Variants in MYLK4 observed in about 807,000 individuals in gnomAD.
MYLK4 encodes caMLCK like.
MYLK4 carries 46 observed loss-of-function variants against 48.1 expected under a neutral mutation model. The observed-to-expected ratio is 0.96, with a 90% confidence interval of 0.75 to 1.22. The LOEUF (loss-of-function observed/expected upper bound fraction) is 1.22. MYLK4 is among the 50% of genes most tolerant of loss of function. MYLK4 has a pLI of 0.00. For synonymous variants in MYLK4, 170 were observed against 180.8 expected (o/e 0.94, Z 0.48); for missense variants, 451 against 486.1 (o/e 0.93, Z 0.68).
chr6:2,744,083 C>T (rs934209648), intron 2 of MYLK4: 8 of 398,758 alleles, frequency 2.0e-5, no homozygotes, highest in Admixed American at 4.4e-5. Context: ...TGTTCCTTCC[C>T]TGCCCTGATC....
chr6:2,717,091 T>G (rs1198401694), intron 2 of MYLK4, among the ~76,000 whole-genome samples: 1 of 152,162 alleles, frequency 6.6e-6, no homozygotes, highest in Non-Finnish European at 1.5e-5. Flanking sequence ...AGAAACAGGT[T>G]GGTATGACTG....
chr6:2,726,548 C>G (rs1763280681), intron 2 of MYLK4, among the ~76,000 whole-genome samples: 1 of 151,702 alleles, frequency 6.6e-6, no homozygotes, highest in South Asian at 2.1e-4. Context: ...AAGTGAGAAG[C>G]CAGGGAACTC....
chr6:2,680,102 T>C, intron 8 of MYLK4, 119 bp downstream of exon 8: 1 of 1,203,504 alleles, frequency 8.3e-7, no homozygotes, highest in Non-Finnish European at 1.1e-6. Flanking sequence ...TAATTTTTGT[T>C]AAATTAATTA....
At position 2,688,944 on chromosome 6, in the gene MYLK4, G is replaced by T. The variant is rs1761670474; in HGVS notation, c.248C>A (p.Ala83Asp). 1 of 1,614,060 alleles carries T rather than the reference G, an allele frequency of 6.2e-7. No individual in the cohort carries two copies. Among genetic ancestry groups the T allele is most frequent in the South Asian group, 1.1e-5 (1 of 91,090 alleles). The part of the protein sequence containing the change: ...RTSALAVDIP[A>D]PPAPFDHRIV... ...ACGATGATCAAATGGGGCCGGAGGA[G>T]CCGGGATGTCAACTAGAAGGTGAGA... The change falls in exon 4 of 13, where the codon GCT (alanine) becomes GAT (aspartate). Residue 83 changes from alanine (A) to aspartate (D), a missense_variant. Ala to Asp is a moderately radical substitution (Grantham distance 126). Coordinates refer to ENST00000274643, the MANE Select transcript of MYLK4 (RefSeq NM_001012418.5).
Position 2,685,837 on chromosome 6 carries a change from G to A in MYLK4, c.342-261C>T, listed in dbSNP as rs545002719. ...TGTAATCCCAGCACTTTGGGAGGCC[G>A]AGGCGGGAGGATCACGAGGTCAGGA... On this transcript the variant is annotated intron_variant, in intron 4 of 12. Transcript: ENST00000274643. This position sits in a 1 kb window ranked among gnomAD's most constrained non-coding sequence, Gnocchi z 4.5. Among the ~76,000 whole-genome samples, 4 of 152,250 alleles carry A rather than the reference G, an allele frequency of 2.6e-5. No individual in the cohort carries two copies. Among genetic ancestry groups the A allele is most frequent in the East Asian group, 3.9e-4 (2 of 5,164 alleles).
At chr6:2,677,860 T>C (rs1008292670) in intron 10 of MYLK4, among the ~76,000 whole-genome samples, 42 of 152,136 alleles carry the variant, frequency 2.8e-4, no homozygotes, top group African/African-American at 9.7e-4. Context: ...CCAAATGAAA[T>C]GGTAGTTAAA....
chr6:2,769,779 C>T, the MYLK4 span, among the ~76,000 whole-genome samples: 3 of 152,142 alleles, frequency 2.0e-5, no homozygotes, highest in Admixed American at 6.5e-5. Context: ...ATAGCTGTTA[C>T]ATATAAGCTA....
intron 2 of MYLK4, among the ~76,000 whole-genome samples, chr6:2,708,362 A>G (rs1406840822): frequency 1.3e-5 from 2 of 152,220 alleles, no homozygotes; most frequent in Non-Finnish European, 2.9e-5. Context: ...TTTTCAGAGA[A>G]TACCAAAGTG....
chr6:2,673,202 A>G lies in MYLK4; in HGVS notation c.1119+1845T>C, dbSNP rs998461087. Reference sequence around the variant, plus strand: ...CATGTCAAAGTGTATTTGGACACCAATAAGCTTGGATAAAAATACATCGGT... The same window carrying G: ...CATGTCAAAGTGTATTTGGACACCAGTAAGCTTGGATAAAAATACATCGGT... On this transcript the variant is annotated intron_variant, in intron 11 of 12. Transcript: ENST00000274643. This position sits in a 1 kb window ranked among gnomAD's most constrained non-coding sequence, Gnocchi z 4.2. 6.6e-6 allele frequency among the ~76,000 whole-genome samples: 1 copy of G among 152,218 alleles called. No individual in the cohort carries two copies. Among genetic ancestry groups the G allele is most frequent in the African/African-American group, 2.4e-5 (1 of 41,454 alleles).
chr6:2,688,727 C>T, intron 4 of MYLK4, 124 bp downstream of exon 4: 2 of 773,690 alleles, frequency 2.6e-6, no homozygotes, highest in South Asian at 3.4e-5. Flanking sequence ...GAAATGGTTA[C>T]TGTTTCTTAA....
chr6:2,694,609 TTGTAGTGGTGATGG>T (rs1316942284), intron 2 of MYLK4, among the ~76,000 whole-genome samples: 2 of 124,246 alleles, frequency 1.6e-5, no homozygotes, highest in Non-Finnish European at 3.9e-5. Flanking sequence ...GTGGTGATGA[TTGTAGTGGTGATGG>T]CGGTTGTAGT....
intron 2 of MYLK4, among the ~76,000 whole-genome samples, chr6:2,743,413 G>A (rs1448022066): frequency 1.3e-5 from 2 of 152,166 alleles, no homozygotes; most frequent in East Asian, 3.9e-4. Context: ...CTACGCTTCT[G>A]ACTGAATTCC....
At chr6:2,684,842 G>A (rs953913020) in intron 6 of MYLK4, among the ~76,000 whole-genome samples, 10 of 152,042 alleles carry the variant, frequency 6.6e-5, no homozygotes, top group African/African-American at 1.9e-4. Context: ...ATCCCTCTCC[G>A]ATACCAAGTA....
rs1763875895 is a variant in MYLK4 at position 2,740,835 on chromosome 6, CA to C, written c.159+8300del. On this transcript the variant is annotated intron_variant, in intron 2 of 12. Transcript: ENST00000274643. ...TGAAGGAAGTGGACTTTGTTGTTGT[CA>C]CCATGTGGTGGGCAGAAAATGACAA... Among the ~76,000 whole-genome samples the C allele has an allele frequency of 2.0e-5, 3 of 152,340 alleles. No homozygotes were observed. The South Asian group carries it at 6.2e-4, about 32-fold the overall frequency.
intron 2 of MYLK4, among the ~76,000 whole-genome samples, chr6:2,746,521 T>A (rs774115020): frequency 6.6e-6 from 1 of 152,216 alleles, no homozygotes; most frequent in Non-Finnish European, 1.5e-5. Context: ...TAAATCTATA[T>A]AAAATTCTTC....
chr6:2,683,569 G>A (rs1207858337), intron 6 of MYLK4, among the ~76,000 whole-genome samples: 3 of 152,034 alleles, frequency 2.0e-5, no homozygotes, highest in Admixed American at 6.6e-5. Flanking sequence ...AGAGGCATGC[G>A]CCACCATGCC....
chr6:2,688,944 G>A lies in MYLK4; in HGVS notation c.248C>T (p.Ala83Val), dbSNP rs1761670474. 5.0e-6 allele frequency: 8 copies of A among 1,614,178 alleles called. No individual in the cohort carries two copies. The highest frequency in any genetic ancestry group is 6.8e-6 in the Non-Finnish European group (8 of 1,179,990). Residue 83 changes from alanine (A) to valine (V), a missense_variant, in exon 4 of 13, where the codon GCT becomes GTT. By Grantham distance (64) the Ala-to-Val change is moderately conservative. Transcript: ENST00000274643. ...RTSALAVDIP[A>V]PPAPFDHRIV... ...ACGATGATCAAATGGGGCCGGAGGAGCCGGGATGTCAACTAGAAGGTGAGA... is the reference window on the plus strand; with the variant it reads ...ACGATGATCAAATGGGGCCGGAGGAACCGGGATGTCAACTAGAAGGTGAGA...
At chr6:2,725,105 A>G (rs12194908) in intron 2 of MYLK4, among the ~76,000 whole-genome samples, 47,723 of 152,004 alleles carry the variant, frequency 0.31, 7,740 homozygotes, top group African/African-American at 0.37. Flanking sequence ...GAGCCGAGAT[A>G]GCCCCACTGC....
At chr6:2,700,883 A>T (rs939149251) in intron 2 of MYLK4, among the ~76,000 whole-genome samples, 5 of 152,216 alleles carry the variant, frequency 3.3e-5, no homozygotes, top group Admixed American at 1.3e-4. Flanking sequence ...CAGGGCATAG[A>T]AGTATTTATA....
Sources: allele counts gnomAD v4.1 joint callset (sites outside exome capture counted in the v4.1 genomes callset), GRCh38; gene constraint gnomAD v4.1.1; non-coding constraint Gnocchi (gnomAD v3.1); transcripts MANE v1.5; gene names NCBI Gene and HGNC (gene_info 2026-07-23, HGNC 2026-07-21).